Variants in DGKG observed in about 807,000 individuals in gnomAD.
The protein encoded by DGKG is DAG kinase gamma.
In DGKG, 78 loss-of-function variants were observed where a neutral mutation model predicts 105.3. That is an observed-to-expected ratio of 0.74 (90% CI 0.62 to 0.89). The LOEUF is 0.89. Ranked by LOEUF, DGKG falls within the 40% of genes least tolerant of loss-of-function variation. The pLI, the probability that DGKG is intolerant of heterozygous loss-of-function variation, is 0.00. For missense variants in DGKG, 958 were observed against 1,020.1 expected, an observed-to-expected ratio of 0.94 and a Z score of 0.83; for synonymous variants, 346 against 367.1, an observed-to-expected ratio of 0.94 and a Z score of 0.66.
intron 1 of DGKG, among the ~76,000 whole-genome samples, chr3:186,341,379 G>A (rs1423843473): frequency 6.6e-6 from 1 of 152,248 alleles, no homozygotes; most frequent in Non-Finnish European, 1.5e-5. Flanking sequence ...AGATGCAGTG[G>A]TACACAACTG....
chr3:186,325,617 T>C (rs1460392324), intron 1 of DGKG, among the ~76,000 whole-genome samples: 7 of 152,096 alleles, frequency 4.6e-5, no homozygotes, highest in Non-Finnish European at 2.9e-5. Flanking sequence ...TTATATTTGT[T>C]AGTTAGGAGT....
Position 186,362,093 on chromosome 3 carries a change from G to C in DGKG, c.-396C>G, listed in dbSNP as rs1434770777. On this transcript the variant is annotated 5_prime_UTR_variant, in exon 1 of 25. Coordinates refer to ENST00000265022, the MANE Select transcript of DGKG (RefSeq NM_001346.3). ...TCTTCCCGCCTGCGCAGCCCTCTCG[G>C]GGGAGGGGGATGCAGCCCCAGTGGG... 2 of 152,414 alleles carry C rather than the reference G, an allele frequency of 1.3e-5. No homozygotes were observed. Among genetic ancestry groups the C allele is most frequent in the Non-Finnish European group, 2.9e-5 (2 of 68,218 alleles). The allele number at this position is 152,414 out of a possible 1,614,324, so 9.4% of individuals were successfully genotyped here.
intron 2 of DGKG, among the ~76,000 whole-genome samples, chr3:186,307,418 T>A (rs1724301357): frequency 6.6e-6 from 1 of 152,204 alleles, no homozygotes; most frequent in African/African-American, 2.4e-5. Flanking sequence ...ATGATGTTTC[T>A]TCTCTGTCTT....
At chr3:186,322,847 C>A (rs1019503200) in intron 1 of DGKG, among the ~76,000 whole-genome samples, 1 of 152,196 alleles carries the variant, frequency 6.6e-6, no homozygotes, top group East Asian at 1.9e-4. Context: ...CCCAGCCGCT[C>A]GGGTTATGCC....
chr3:186,334,382 T>C (rs574839946), intron 1 of DGKG, among the ~76,000 whole-genome samples: 2 of 152,310 alleles, frequency 1.3e-5, no homozygotes, highest in Admixed American at 6.5e-5. Context: ...TACTGGTTCA[T>C]TCCAGAAACC....
chr3:186,298,394 T>C (rs907687160), intron 3 of DGKG, among the ~76,000 whole-genome samples, 165 bp from the exon 4 acceptor site: 2 of 151,692 alleles, frequency 1.3e-5, no homozygotes, highest in Non-Finnish European at 2.9e-5. Flanking sequence ...AGGGAAGTGA[T>C]AGACAATGAG....
chr3:186,256,699 T>TC (rs1287494844), intron 17 of DGKG, among the ~76,000 whole-genome samples: 2 of 152,238 alleles, frequency 1.3e-5, no homozygotes, highest in African/African-American at 2.4e-5. Context: ...TTTTCTCGAA[T>TC]CCACTCTGCT....
At chr3:186,181,126 AC>A (rs1332885967) in intron 22 of DGKG, among the ~76,000 whole-genome samples, 2 of 152,154 alleles carry the variant, frequency 1.3e-5, no homozygotes, top group African/African-American at 4.8e-5. Flanking sequence ...AATTCTTAGT[AC>A]TTAGCATAGT....
chr3:186,304,369 C>A lies in DGKG; in HGVS notation c.144+2532G>T, dbSNP rs1368251707. ...GTCTCGCCCCTGTTCTGGCAACCTT[C>A]TTCCTGCTTCATTCTCTCTGCAACT... On this transcript the variant is annotated intron_variant, in intron 3 of 24. Transcript: ENST00000265022. 3.3e-5 allele frequency among the ~76,000 whole-genome samples: 5 copies of A among 152,244 alleles called. No homozygotes were observed. In the South Asian group the frequency reaches 6.2e-4, roughly 19 times the overall value.
intron 21 of DGKG, among the ~76,000 whole-genome samples, chr3:186,204,616 T>C (rs928371738): frequency 1.3e-5 from 2 of 152,118 alleles, no homozygotes; most frequent in African/African-American, 4.8e-5. Flanking sequence ...TTAAATTAAA[T>C]TTTTTAAAAT....
intron 22 of DGKG, among the ~76,000 whole-genome samples, chr3:186,180,664 T>C (rs1416829009): frequency 1.3e-5 from 2 of 152,194 alleles, no homozygotes; most frequent in Admixed American, 6.5e-5. Flanking sequence ...GGACAGCTCC[T>C]GAACCCCTGA....
At chr3:186,278,834 T>A (rs1224724752) in intron 9 of DGKG, among the ~76,000 whole-genome samples, 3 of 152,190 alleles carry the variant, frequency 2.0e-5, no homozygotes, top group African/African-American at 7.2e-5. Flanking sequence ...AGAGGTGTAA[T>A]CTTTGAGATC....
At position 186,216,209 on chromosome 3, in the gene DGKG, G is replaced by T. The variant is rs561507741; in HGVS notation, c.1827-4324C>A. Among the ~76,000 whole-genome samples the T allele has an allele frequency of 2.0e-5, 3 of 151,924 alleles. No homozygotes were observed. The South Asian group carries it at 6.3e-4, about 32-fold the overall frequency. ...GAGATGGGGTTTCACCATGTTGGCCGGGCTGGTCTTGAACTCCTGGCCTTA... is the reference window on the plus strand; with the variant it reads ...GAGATGGGGTTTCACCATGTTGGCCTGGCTGGTCTTGAACTCCTGGCCTTA... On this transcript the variant is annotated intron_variant, in intron 20 of 24. Transcript: ENST00000265022.
chr3:186,322,128 A>G (rs1332274976), intron 1 of DGKG, among the ~76,000 whole-genome samples: 2 of 152,174 alleles, frequency 1.3e-5, no homozygotes, highest in African/African-American at 2.4e-5. Flanking sequence ...TTCTTTTGCC[A>G]TCTTTAAATA....
intron 6 of DGKG, among the ~76,000 whole-genome samples, chr3:186,285,042 G>A (rs1722999090): frequency 6.6e-6 from 1 of 152,194 alleles, no homozygotes. Context: ...GTGGGGCAGA[G>A]GCACCAGAAT....
chr3:186,331,126 A>G (rs1725583123), intron 1 of DGKG, among the ~76,000 whole-genome samples: 1 of 152,234 alleles, frequency 6.6e-6, no homozygotes, highest in Non-Finnish European at 1.5e-5. Flanking sequence ...TATCCTTCAC[A>G]AACTAATATG....
chr3:186,230,201 T>G (rs1720082177), intron 20 of DGKG, among the ~76,000 whole-genome samples: 1 of 152,100 alleles, frequency 6.6e-6, no homozygotes, highest in South Asian at 2.1e-4. Context: ...GAGGCTGCAG[T>G]GAGCCGAGAT....
intron 19 of DGKG, among the ~76,000 whole-genome samples, chr3:186,246,968 C>G (rs776793788): frequency 7.9e-5 from 12 of 152,180 alleles, no homozygotes; most frequent in Non-Finnish European, 1.5e-4. Context: ...TTCAGAGTTA[C>G]ACATACCTTG....
At chr3:186,239,188 A>G (rs1720558991) in intron 20 of DGKG, among the ~76,000 whole-genome samples, 1 of 152,028 alleles carries the variant, frequency 6.6e-6, no homozygotes, top group Non-Finnish European at 1.5e-5. Context: ...CTGACTAGTC[A>G]CTCTCCCTTG....
Sources: allele counts gnomAD v4.1 joint callset (sites outside exome capture counted in the v4.1 genomes callset), GRCh38; gene constraint gnomAD v4.1.1; transcripts MANE v1.5; gene names NCBI Gene and HGNC (gene_info 2026-07-23, HGNC 2026-07-21).